The following TRAPPC10 variants were observed in gnomAD, a reference collection of about 807,000 sequenced individuals.
TRAPPC10 encodes TRAPP 130 kDa subunit.
Under a neutral mutation model 125.5 loss-of-function variants are expected in TRAPPC10, and 23 were observed. The ratio of observed to expected loss-of-function variants is 0.18; its 90% CI spans 0.13 to 0.26. TRAPPC10 has a LOEUF of 0.26. Among genes scored for constraint, TRAPPC10 ranks in the 10% least tolerant of loss-of-function variants. The pLI is 1.00. For missense variants in TRAPPC10, 1,123 were observed against 1,308.4 expected, an observed-to-expected ratio of 0.86 and a Z score of 2.19; for synonymous variants, 509 against 518.0, an observed-to-expected ratio of 0.98 and a Z score of 0.24.
chr21:44,028,607 A>C (rs2033285395), intron 1 of TRAPPC10, among the ~76,000 whole-genome samples: 1 of 152,214 alleles, frequency 6.6e-6, no homozygotes. Context: ...GTGGAGACGC[A>C]CAGGGATGGG....
At chr21:44,075,000 T>A in intron 8 of TRAPPC10, 39 bp from the exon 9 acceptor site, 7 of 1,412,776 alleles carry the variant, frequency 5.0e-6, no homozygotes, top group Non-Finnish European at 7.0e-6. Flanking sequence ...TGCTGACTCT[T>A]ACGGCAAATT....
chr21:44,034,614 A>G (rs2033850640), intron 2 of TRAPPC10, among the ~76,000 whole-genome samples: 2 of 152,198 alleles, frequency 1.3e-5, no homozygotes, highest in Admixed American at 1.3e-4. Flanking sequence ...TTTGGGAAAG[A>G]AATGTGTTAC....
rs117315258 is a variant in TRAPPC10, at chr21:44,077,068, T to G, written c.1377+440T>G. ...GGTCATGGGCAACTTGAGCGTTTGG[T>G]CTGCCCGTAATGGCTGTACCTCTTA... On this transcript the variant is annotated intron_variant, in intron 10 of 22. Transcript: ENST00000291574. Among the ~76,000 whole-genome samples the G allele has an allele frequency of 5.1e-3, 773 of 152,268 alleles. 4 individuals are homozygous for G. The highest frequency in any genetic ancestry group is 8.8e-3 in the Non-Finnish European group (599 of 68,004).
chr21:44,094,314 A>G lies in TRAPPC10; in HGVS notation c.3168+81A>G. ...TGTTCTTTATAATCTGAAGAACTGA[A>G]TAGACAGCTTCTGTCAACATAATGA... On this transcript the variant is annotated intron_variant, in intron 20 of 22. Transcript: ENST00000291574. 6 of 1,310,884 alleles carry G rather than the reference A, an allele frequency of 4.6e-6. No individual in the cohort carries two copies. The South Asian group carries it at 5.4e-5, about 12-fold the overall frequency. The allele number at this position is 1,310,884 out of a possible 1,614,324, so 81.2% of individuals were successfully genotyped here.
rs2036191306 is a variant in TRAPPC10 at position 44,063,285 on chromosome 21, A to G, written c.791-253A>G. On this transcript the variant is annotated intron_variant, in intron 6 of 22. Transcript: ENST00000291574. This position sits in a 1 kb window ranked among gnomAD's most constrained non-coding sequence, Gnocchi z 4.4. ...CTGTCTGTCTCTGGGTGACTTCCCA[A>G]CCTGTTCAGCTCCCGCCCATGACTT... 1 of 1,210,662 alleles carries G rather than the reference A, an allele frequency of 8.3e-7. No homozygotes were observed. Among genetic ancestry groups the G allele is most frequent in the Non-Finnish European group, 1.1e-6 (1 of 927,212 alleles). 75.0% of individuals were successfully genotyped at this position (1,210,662 alleles called of 1,614,324 possible).
At position 44,039,910 on chromosome 21, in the gene TRAPPC10, T is replaced by C. The variant is rs191688522; in HGVS notation, c.285+1983T>C. ...GAACTGATACTGATGCGTCCAATTTTATAACTTGGAGGGCTCTTTCTTGCC... is the reference window on the plus strand; with the variant it reads ...GAACTGATACTGATGCGTCCAATTTCATAACTTGGAGGGCTCTTTCTTGCC... On this transcript the variant is annotated intron_variant, in intron 3 of 22. Transcript: ENST00000291574. Among the ~76,000 whole-genome samples the C allele has an allele frequency of 4.9e-4, 75 of 152,314 alleles. 1 individual carries two copies. In the Middle Eastern group the frequency reaches 0.02, roughly 41 times the overall value.
intron 13 of TRAPPC10, among the ~76,000 whole-genome samples, chr21:44,081,020 T>TC (rs1299589474): frequency 9.3e-4 from 126 of 134,950 alleles, no homozygotes; most frequent in Non-Finnish European, 8.2e-4. Flanking sequence ...TTTTTTTCTT[T>TC]TTTTTTTTTT....
intron 19 of TRAPPC10, among the ~76,000 whole-genome samples, chr21:44,092,267 A>T (rs572140064): frequency 1.1e-4 from 16 of 152,360 alleles, no homozygotes; most frequent in African/African-American, 3.4e-4. Context: ...TTTTAGAAGA[A>T]TTAAATCTGA....
chr21:44,024,429 A>G (rs1274935933), intron 1 of TRAPPC10, among the ~76,000 whole-genome samples: 2 of 152,190 alleles, frequency 1.3e-5, no homozygotes, highest in East Asian at 3.8e-4. Context: ...ACTGAATAGA[A>G]CATCACACGA....
At chr21:44,019,866 C>G (rs1371581578) in intron 1 of TRAPPC10, among the ~76,000 whole-genome samples, 1 of 152,296 alleles carries the variant, frequency 6.6e-6, no homozygotes, top group Non-Finnish European at 1.5e-5. Context: ...GGAGGTTTGT[C>G]CTTCGTGTAC....
intron 19 of TRAPPC10, among the ~76,000 whole-genome samples, chr21:44,092,866 G>T (rs1287785045): frequency 6.6e-6 from 1 of 152,034 alleles, no homozygotes; most frequent in Non-Finnish European, 1.5e-5. Context: ...GTGTGATCTT[G>T]CCTCACTGCA....
At chr21:44,088,076 T>C in intron 17 of TRAPPC10, 148 bp downstream of exon 17, 1 of 692,902 alleles carries the variant, frequency 1.4e-6, no homozygotes, top group Non-Finnish European at 2.4e-6. Flanking sequence ...TCTGTCTGTC[T>C]GTGAATCACC....
chr21:44,075,501 T>A (rs1359344676), intron 9 of TRAPPC10, among the ~76,000 whole-genome samples: 2 of 151,930 alleles, frequency 1.3e-5, no homozygotes, highest in Non-Finnish European at 2.9e-5. Context: ...TTTTTTTTTT[T>A]AAGAGACAGG....
At chr21:44,079,491 C>T (rs893954523) in intron 11 of TRAPPC10, 73 bp from the exon 12 acceptor site, 41 of 1,515,120 alleles carry the variant, frequency 2.7e-5, no homozygotes, top group Middle Eastern at 1.8e-4. Context: ...GAGGCCAAAG[C>T]GGGAGAGATG....
intron 1 of TRAPPC10, among the ~76,000 whole-genome samples, chr21:44,014,944 A>G (rs1178298369): frequency 6.6e-6 from 1 of 152,190 alleles, no homozygotes; most frequent in East Asian, 1.9e-4. Flanking sequence ...AGCTTTAGGA[A>G]GCACTTGGCC....
At chr21:44,073,393 A>C (rs763280585) in intron 7 of TRAPPC10, among the ~76,000 whole-genome samples, 1 of 152,214 alleles carries the variant, frequency 6.6e-6, no homozygotes, top group Non-Finnish European at 1.5e-5. Flanking sequence ...CACCAGAGAA[A>C]AAGTCAGCAT....
chr21:44,023,327 G>A (rs1471479282), intron 1 of TRAPPC10, among the ~76,000 whole-genome samples: 5 of 151,936 alleles, frequency 3.3e-5, no homozygotes, highest in Admixed American at 2.6e-4. Context: ...GAGCCACCGC[G>A]CCCGGCCTAT....
Position 44,032,080 on chromosome 21 carries a change from T to A in TRAPPC10, c.68-11T>A, listed in dbSNP as rs1258526448. ...AAATATGGTAACTGAATTTCTTTCT[T>A]CCCTTCATAGGTGCTGGAGATCAGA... On this transcript the variant is annotated splice_polypyrimidine_tract_variant and intron_variant, in intron 1 of 22. Coordinates refer to ENST00000291574, the MANE Select transcript of TRAPPC10 (RefSeq NM_003274.5). The A allele has an allele frequency of 6.2e-7, 1 of 1,606,466 alleles. No homozygotes were observed. Among genetic ancestry groups the A allele is most frequent in the South Asian group, 1.1e-5 (1 of 89,348 alleles).
At position 44,059,763 on chromosome 21, in the gene TRAPPC10, A is replaced by G. The variant is rs58500824; in HGVS notation, c.790+549A>G. 7.9e-3 allele frequency: 3,567 copies of G among 448,816 alleles called. 97 individuals are homozygous for G. Among genetic ancestry groups the G allele is most frequent in the African/African-American group, 0.059 (2,996 of 51,046 alleles). 27.8% of individuals were successfully genotyped at this position (448,816 alleles called of 1,614,324 possible). A position where few individuals can be genotyped will look rare whatever the true frequency, so the allele number is the denominator to read the frequency against. On this transcript the variant is annotated intron_variant, in intron 6 of 22. Coordinates refer to ENST00000291574, the MANE Select transcript of TRAPPC10 (RefSeq NM_003274.5). This position sits in a 1 kb window ranked among gnomAD's most constrained non-coding sequence, Gnocchi z 4.4. The stretch of plus-strand genomic sequence containing the variant: ...GCTGATACTTATTTTGATGAAAGTG[A>G]TACCACGTTATATAGCTGTTTCTCT...
Sources: allele counts gnomAD v4.1 joint callset (sites outside exome capture counted in the v4.1 genomes callset), GRCh38; gene constraint gnomAD v4.1.1; non-coding constraint Gnocchi (gnomAD v3.1); transcripts MANE v1.5; gene names NCBI Gene and HGNC (gene_info 2026-07-23, HGNC 2026-07-21).